GALNT7: variants seen among roughly 807,000 people sequenced by gnomAD.
GALNT7 encodes N-acetylgalactosaminyltransferase 7.
GALNT7 carries 60 observed loss-of-function variants against 82.1 expected under a neutral mutation model. The ratio of observed to expected loss-of-function variants is 0.73; its 90% CI spans 0.59 to 0.91. The LOEUF is 0.91. Among genes scored for constraint, GALNT7 ranks in the 40% least tolerant of loss-of-function variants. The probability of loss-of-function intolerance (pLI) is 0.00; values close to 1 mark genes in which losing one functional copy is unlikely to be tolerated. For synonymous variants in GALNT7, 243 were observed against 275.1 expected, an observed-to-expected ratio of 0.88 and a Z score of 1.15; for missense variants, 660 against 804.2, an observed-to-expected ratio of 0.82 and a Z score of 2.17.
At chr4:173,200,238 A>G (rs1458933166) in intron 1 of GALNT7, among the ~76,000 whole-genome samples, 1 of 152,208 alleles carries the variant, frequency 6.6e-6, no homozygotes, top group East Asian at 1.9e-4. Flanking sequence ...CTTTTGCAAC[A>G]TGACAATTTT....
At chr4:173,317,311 G>T in intron 9 of GALNT7, 1 of 250,946 alleles carries the variant, frequency 4.0e-6, no homozygotes, top group Non-Finnish European at 7.9e-6. Context: ...CTGTGGTTAG[G>T]TTCTCTATTT....
At chr4:173,276,206 A>C (rs574193666) in intron 2 of GALNT7, among the ~76,000 whole-genome samples, 13 of 152,298 alleles carry the variant, frequency 8.5e-5, no homozygotes, top group Middle Eastern at 3.4e-3. Flanking sequence ...GTCCCAGGAA[A>C]ATTTTTGGAA....
chr4:173,295,141 T>A (rs1736673742), intron 3 of GALNT7, among the ~76,000 whole-genome samples: 2 of 152,238 alleles, frequency 1.3e-5, no homozygotes, highest in South Asian at 4.1e-4. Flanking sequence ...CTTAAAACCT[T>A]AACTGTCAAT....
intron 1 of GALNT7, among the ~76,000 whole-genome samples, chr4:173,209,004 C>A (rs11731609): frequency 2.0e-5 from 3 of 152,106 alleles, no homozygotes; most frequent in Non-Finnish European, 2.9e-5. Context: ...TTTAGAGATT[C>A]ATCTTTTGTT....
chr4:173,268,111 T>G (rs1252818127), intron 2 of GALNT7: 2 of 154,930 alleles, frequency 1.3e-5, no homozygotes, highest in Non-Finnish European at 2.9e-5. Flanking sequence ...TTGTAAGTGC[T>G]GGGTGATTGA....
intron 1 of GALNT7, among the ~76,000 whole-genome samples, chr4:173,203,323 C>T (rs1023408221): frequency 1.3e-5 from 2 of 152,208 alleles, no homozygotes; most frequent in South Asian, 4.1e-4. Flanking sequence ...GATCTCCTGA[C>T]TTTGTGATCC....
intron 1 of GALNT7, among the ~76,000 whole-genome samples, chr4:173,220,197 T>C (rs1245175158): frequency 6.6e-6 from 1 of 152,208 alleles, no homozygotes. Context: ...AGGAACCAGC[T>C]TCATTCTTTT....
chr4:173,187,921 A>G (rs535330537), intron 1 of GALNT7, among the ~76,000 whole-genome samples: 2 of 152,364 alleles, frequency 1.3e-5, no homozygotes, highest in South Asian at 4.1e-4. Context: ...AAATTAAAAC[A>G]AATACCTTTT....
chr4:173,216,848 A>T (rs1020255873), intron 1 of GALNT7, among the ~76,000 whole-genome samples: 3 of 147,118 alleles, frequency 2.0e-5, no homozygotes, highest in African/African-American at 7.6e-5. Context: ...CTCCTGTCTC[A>T]GCCTCCCGAG....
chr4:173,311,727 C>A (rs1383199968), intron 8 of GALNT7, among the ~76,000 whole-genome samples: 3 of 152,180 alleles, frequency 2.0e-5, no homozygotes, highest in African/African-American at 7.2e-5. Context: ...CCGCCTCCAA[C>A]ATTGGGGATT....
At chr4:173,233,475 C>G (rs975274659) in intron 1 of GALNT7, among the ~76,000 whole-genome samples, 11 of 152,136 alleles carry the variant, frequency 7.2e-5, no homozygotes, top group African/African-American at 2.7e-4. Context: ...TTGGATTTCC[C>G]TGATGATTAG....
At position 173,320,460 on chromosome 4, in the gene GALNT7, T is replaced by C. The variant is rs1737770504; in HGVS notation, c.1837-1120T>C. Among the ~76,000 whole-genome samples the C allele has an allele frequency of 6.6e-6, 1 of 152,162 alleles. No individual in the cohort carries two copies. The highest frequency in any genetic ancestry group is 1.9e-4 in the East Asian group (1 of 5,192). ...AAATAGTGAGAAGAATGGAATTCTG[T>C]ATTTTTGCAAATCTCTTTAATGTCT... is the stretch of plus-strand genomic sequence containing the variant. On this transcript the variant is annotated intron_variant, in intron 11 of 11. Coordinates refer to ENST00000265000, the MANE Select transcript of GALNT7 (RefSeq NM_017423.3). This position sits in a 1 kb window ranked among gnomAD's most constrained non-coding sequence, Gnocchi z 4.1.
At chr4:173,282,722 A>T (rs1736157762) in intron 2 of GALNT7, among the ~76,000 whole-genome samples, 1 of 152,224 alleles carries the variant, frequency 6.6e-6, no homozygotes, top group Non-Finnish European at 1.5e-5. Flanking sequence ...TCTAGATGAA[A>T]AAAACAATTT....
intron 1 of GALNT7, among the ~76,000 whole-genome samples, chr4:173,199,225 A>G (rs1325548695): frequency 6.6e-6 from 1 of 152,184 alleles, no homozygotes; most frequent in African/African-American, 2.4e-5. Flanking sequence ...CTCAACATCT[A>G]GGGGATTGAG....
intron 2 of GALNT7, among the ~76,000 whole-genome samples, chr4:173,266,097 C>T (rs921115033): frequency 9.2e-5 from 14 of 151,956 alleles, no homozygotes; most frequent in African/African-American, 3.4e-4. Context: ...GTCTCTACTA[C>T]AAATACAAAA....
chr4:173,261,313 G>A (rs1406359900), intron 2 of GALNT7, among the ~76,000 whole-genome samples: 1 of 151,880 alleles, frequency 6.6e-6, no homozygotes, highest in Non-Finnish European at 1.5e-5. Context: ...GCTTGGGGAT[G>A]TATATCCAGA....
In GALNT7 at chr4:173,302,186, T is replaced by C; in HGVS notation, c.1266+22T>C. ...CAAGGTAACATTTTATTTCAACAGA[T>C]GGAATTCTCCAAGTCGTTACTAACT... is the stretch of plus-strand genomic sequence containing the variant. On this transcript the variant is annotated intron_variant, in intron 7 of 11. Transcript: ENST00000265000. This position sits in a 1 kb window ranked among gnomAD's most constrained non-coding sequence, Gnocchi z 4.2. The C allele has an allele frequency of 9.7e-7, 1 of 1,026,980 alleles. No homozygotes were observed. Among genetic ancestry groups the C allele is most frequent in the South Asian group, 1.3e-5 (1 of 78,460 alleles). The allele number at this position is 1,026,980 out of a possible 1,614,324, so 63.6% of individuals were successfully genotyped here. A position where few individuals can be genotyped will look rare whatever the true frequency, so the allele number is the denominator to read the frequency against.
chr4:173,176,764 A>C (rs1347990048), intron 1 of GALNT7, among the ~76,000 whole-genome samples: 3 of 152,168 alleles, frequency 2.0e-5, no homozygotes, highest in African/African-American at 7.2e-5. Flanking sequence ...TGGGGACTAC[A>C]TGGCTGAAAA....
At chr4:173,170,096 G>A (rs1731806628) in intron 1 of GALNT7, among the ~76,000 whole-genome samples, 1 of 152,150 alleles carries the variant, frequency 6.6e-6, no homozygotes, top group Non-Finnish European at 1.5e-5. Context: ...GGCAGCGGGC[G>A]GCGCGCACCG....
Sources: gnomAD v4.1 joint callset for allele counts (sites outside exome capture counted in the v4.1 genomes callset) on GRCh38, gnomAD v4.1.1 for gene constraint, Gnocchi (gnomAD v3.1) non-coding constraint, MANE v1.5 for transcripts, NCBI Gene and HGNC (gene_info 2026-07-23, HGNC 2026-07-21) for gene names.